Variants in PDSS2 observed in about 807,000 individuals in gnomAD.
PDSS2 encodes the protein decaprenyl diphosphate synthase subunit 2, also known as all trans-polyprenyl-diphosphate synthase PDSS2.
PDSS2 carries 31 observed loss-of-function variants against 44.5 expected under a neutral mutation model. The observed-to-expected ratio is 0.70, with a 90% CI of 0.52 to 0.94. PDSS2 has a LOEUF of 0.94. Ranked by LOEUF, PDSS2 falls within the 40% of genes least tolerant of loss-of-function variation. PDSS2 has a pLI of 0.00. For missense variants in PDSS2, 452 were observed against 482.2 expected, an observed-to-expected ratio of 0.94 and a Z score of 0.59; for synonymous variants, 157 against 180.3, an observed-to-expected ratio of 0.87 and a Z score of 1.03.
At chr6:107,155,941 G>A (rs1228494637) in intron 7 of PDSS2, among the ~76,000 whole-genome samples, 2 of 130,898 alleles carry the variant, frequency 1.5e-5, no homozygotes, top group East Asian at 4.7e-4. Context: ...CCAGGCTGGA[G>A]TGCAGTGGCA....
At chr6:107,309,122 T>C (rs1159088653) in intron 2 of PDSS2, among the ~76,000 whole-genome samples, 2 of 152,236 alleles carry the variant, frequency 1.3e-5, no homozygotes, top group Non-Finnish European at 2.9e-5. Flanking sequence ...TTACTTAAAT[T>C]AGGCTACCAA....
In PDSS2 at chr6:107,459,208, G is replaced by T. The variant is rs763618393; in HGVS notation, c.78C>A (p.Ser26=). The change falls in exon 1 of 8, where the codon TCC becomes TCA. Residue 26 remains serine (S), a synonymous_variant. Transcript: ENST00000369037. The surrounding 1 kb of genome is among the most constrained non-coding windows in gnomAD (Gnocchi z 4.3). ...ASGSPRRLWW[S]PSLDTISSVG... The stretch of plus-strand genomic sequence containing the variant: ...CCGAGGAGATGGTGTCGAGGGACGG[G>T]GACCACCACAGGCGACGCGGGGAAC... 3.7e-6 allele frequency: 6 copies of T among 1,614,082 alleles called. No individual in the cohort carries two copies. The South Asian group carries it at 6.6e-5, about 18-fold the overall frequency.
chr6:107,188,703 C>T (rs911834005), intron 7 of PDSS2, among the ~76,000 whole-genome samples: 4 of 152,078 alleles, frequency 2.6e-5, no homozygotes, highest in Non-Finnish European at 4.4e-5. Context: ...CCCTTGGTGA[C>T]GAGTGAGTTC....
At chr6:107,430,725 C>G (rs1224173923) in intron 1 of PDSS2, among the ~76,000 whole-genome samples, 2 of 151,730 alleles carry the variant, frequency 1.3e-5, no homozygotes, top group African/African-American at 4.8e-5. Context: ...TGGAGAATTG[C>G]TTGAACCTGG....
intron 7 of PDSS2, among the ~76,000 whole-genome samples, chr6:107,183,495 C>T (rs977466751): frequency 2.0e-5 from 3 of 151,854 alleles, no homozygotes; most frequent in Admixed American, 6.6e-5. Context: ...GTCAGGAGTT[C>T]GAGACCAGCC....
At chr6:107,413,994 A>G (rs1280227121) in intron 1 of PDSS2, among the ~76,000 whole-genome samples, 4 of 152,154 alleles carry the variant, frequency 2.6e-5, no homozygotes, top group African/African-American at 9.7e-5. Context: ...TGAATTCTAC[A>G]AAGTTAGAAA....
intron 7 of PDSS2, among the ~76,000 whole-genome samples, chr6:107,162,775 A>G (rs1014043999): frequency 6.6e-6 from 1 of 151,452 alleles, no homozygotes; most frequent in Non-Finnish European, 1.5e-5. Flanking sequence ...CGACTAATTT[A>G]TGTATTTTTA....
intron 7 of PDSS2, among the ~76,000 whole-genome samples, chr6:107,186,567 T>G (rs1179782899): frequency 1.3e-5 from 2 of 152,124 alleles, no homozygotes; most frequent in Admixed American, 1.3e-4. Context: ...CCATGGTGGT[T>G]TGTGCACCTA....
At chr6:107,189,179 C>T (rs111949911) in intron 7 of PDSS2, among the ~76,000 whole-genome samples, 28 of 152,328 alleles carry the variant, frequency 1.8e-4, no homozygotes, top group African/African-American at 6.3e-4. Context: ...TCCTGAGTAG[C>T]TGGGAGTATG....
At chr6:107,449,347 A>C (rs1030482948) in intron 1 of PDSS2, among the ~76,000 whole-genome samples, 1 of 152,262 alleles carries the variant, frequency 6.6e-6, no homozygotes, top group Non-Finnish European at 1.5e-5. Context: ...TGTACAGCTC[A>C]GTAGCATTAA....
intron 4 of PDSS2, among the ~76,000 whole-genome samples, chr6:107,239,532 T>C (rs1774343272): frequency 6.6e-6 from 1 of 151,382 alleles, no homozygotes; most frequent in African/African-American, 2.4e-5. Context: ...TACTAAAACA[T>C]AATCATGATT....
intron 1 of PDSS2, among the ~76,000 whole-genome samples, chr6:107,413,654 A>C (rs1166125808): frequency 1.3e-5 from 2 of 152,130 alleles, no homozygotes; most frequent in Non-Finnish European, 2.9e-5. Flanking sequence ...TAGTAGAGAC[A>C]AGGTTTCACC....
At chr6:107,411,879 CTTTT>C (rs145161415) in intron 1 of PDSS2, among the ~76,000 whole-genome samples, 33,906 of 93,308 alleles carry the variant, frequency 0.36, 4,754 homozygotes, top group Middle Eastern at 0.54. Flanking sequence ...TCTTCTTCTT[CTTTT>C]TTTTTTTTTT....
rs1239424599 is a variant in PDSS2, at chr6:107,152,584, CTCT to C, written c.*2032_*2034del. 6.6e-6 allele frequency: 1 copy of C among 151,942 alleles called. No homozygotes were observed. Among genetic ancestry groups the C allele is most frequent in the Non-Finnish European group, 1.5e-5 (1 of 68,006 alleles). The allele number at this position is 151,942 out of a possible 1,614,324, so 9.4% of individuals were successfully genotyped here. ...GAATTTCATAATTATCTTGTTTAAT[CTCT>C]TTTTTTTTTTCACACTTGACTTTCA... is the stretch of plus-strand genomic sequence containing the variant. On this transcript the variant is annotated 3_prime_UTR_variant, in exon 8 of 8. Transcript: ENST00000369037.
At chr6:107,341,385 A>C (rs1386611372) in intron 1 of PDSS2, among the ~76,000 whole-genome samples, 1 of 152,222 alleles carries the variant, frequency 6.6e-6, no homozygotes, top group Non-Finnish European at 1.5e-5. Context: ...GAATGAGTTC[A>C]GTTTTGGACA....
chr6:107,179,970 A>C (rs540116300), intron 7 of PDSS2, among the ~76,000 whole-genome samples: 1 of 152,336 alleles, frequency 6.6e-6, no homozygotes, highest in East Asian at 1.9e-4. Flanking sequence ...GACTGTGGAA[A>C]TATGAATCTA....
chr6:107,415,470 T>TCTCAC (rs1295599798), intron 1 of PDSS2, among the ~76,000 whole-genome samples: 1 of 151,886 alleles, frequency 6.6e-6, no homozygotes, highest in African/African-American at 2.4e-5. Context: ...AAACAGATAC[T>TCTCAC]CTCACATCAG....
intron 1 of PDSS2, among the ~76,000 whole-genome samples, chr6:107,390,943 A>G (rs1028542550): frequency 1.3e-5 from 2 of 151,794 alleles, no homozygotes; most frequent in African/African-American, 4.8e-5. Flanking sequence ...GAAAAATCTA[A>G]CTGGATTCTA....
chr6:107,334,944 G>T (rs1451749228), intron 1 of PDSS2, among the ~76,000 whole-genome samples: 1 of 151,958 alleles, frequency 6.6e-6, no homozygotes, highest in Admixed American at 6.6e-5. Context: ...ATGAGCCTAG[G>T]AGCTTGAGAC....
Sources: gnomAD v4.1 joint callset for allele counts (sites outside exome capture counted in the v4.1 genomes callset) on GRCh38, gnomAD v4.1.1 for gene constraint, Gnocchi (gnomAD v3.1) non-coding constraint, MANE v1.5 for transcripts, NCBI Gene and HGNC (gene_info 2026-07-23, HGNC 2026-07-21) for gene names.